CEP83: variants seen among roughly 807,000 people sequenced by gnomAD.
CEP83 encodes the protein centrosomal protein of 83 kDa.
In CEP83, 70 loss-of-function variants were observed where a neutral mutation model predicts 101.9. That is an observed-to-expected ratio of 0.69 (90% CI 0.57 to 0.84). The LOEUF is 0.84. Ranked by LOEUF, CEP83 falls within the 40% of genes least tolerant of loss-of-function variation. The pLI is 0.00. For missense variants in CEP83, 715 were observed against 787.2 expected (o/e 0.91, Z 1.10); for synonymous variants, 264 against 267.9 (o/e 0.99, Z 0.14).
At chr12:94,396,650 T>G (rs1473793954) in intron 6 of CEP83, among the ~76,000 whole-genome samples, 1 of 152,136 alleles carries the variant, frequency 6.6e-6, no homozygotes, top group Non-Finnish European at 1.5e-5. Context: ...ATATTCTTTT[T>G]AGTTTATAAT....
chr12:94,360,365 T>C (rs2060690509), intron 11 of CEP83, among the ~76,000 whole-genome samples: 1 of 152,066 alleles, frequency 6.6e-6, no homozygotes, highest in Non-Finnish European at 1.5e-5. Flanking sequence ...TTATCTTATA[T>C]ATAGAAAAAC....
intron 6 of CEP83, among the ~76,000 whole-genome samples, chr12:94,394,356 T>C (rs1259378244): frequency 6.6e-6 from 1 of 152,022 alleles, no homozygotes; most frequent in Non-Finnish European, 1.5e-5. Flanking sequence ...ATACACCTGA[T>C]AAAAACAAGC....
intron 11 of CEP83, among the ~76,000 whole-genome samples, chr12:94,349,998 G>A (rs927613806): frequency 6.6e-6 from 1 of 152,066 alleles, no homozygotes; most frequent in African/African-American, 2.4e-5. Context: ...AATTAAAGAA[G>A]ATATAAATAA....
chr12:94,306,281 TTATATATAAA>T (rs1336829067), downstream of CEP83: 1 of 152,070 alleles, frequency 6.6e-6, no homozygotes, highest in Non-Finnish European at 1.5e-5. Context: ...CACTGGAGTA[TTATATATAAA>T]TATATATATT....
chr12:94,376,000 A>G lies in CEP83; in HGVS notation c.819T>C (p.Ala273=). 1 of 1,559,950 alleles carries G rather than the reference A, an allele frequency of 6.4e-7. No individual in the cohort carries two copies. Among genetic ancestry groups the G allele is most frequent in the East Asian group, 2.3e-5 (1 of 43,254 alleles). ...VRSLEAEKQS[A]NLRAERLEKE... is the part of the protein sequence containing the mutation. ...TTTCCAAACGTTCTGCCCGTAAATT[A>G]GCTGATTGTTTTTCAGCCTTTCATA... The change falls in exon 8 of 17, where the codon GCT becomes GCC. Residue 273 remains alanine, a synonymous_variant. Transcript: ENST00000397809.
intron 6 of CEP83, among the ~76,000 whole-genome samples, chr12:94,400,471 T>C (rs181655514): frequency 2.1e-4 from 32 of 152,328 alleles, no homozygotes; most frequent in African/African-American, 7.5e-4. Context: ...CAGCTAGTGC[T>C]TTCCCATATG....
At chr12:94,348,663 G>T (rs141033657) in intron 11 of CEP83, among the ~76,000 whole-genome samples, 3 of 151,982 alleles carry the variant, frequency 2.0e-5, no homozygotes, top group Non-Finnish European at 4.4e-5. Context: ...GTCTGCTGCC[G>T]GTCTGATCTA....
At chr12:94,368,586 T>C (rs2061138593) in intron 9 of CEP83, 1 of 159,312 alleles carries the variant, frequency 6.3e-6, no homozygotes, top group Admixed American at 6.4e-5. Context: ...CAGAGTGAAA[T>C]AAATCACAAA....
At chr12:94,354,057 T>C (rs914916814) in intron 11 of CEP83, among the ~76,000 whole-genome samples, 1 of 152,182 alleles carries the variant, frequency 6.6e-6, no homozygotes, top group African/African-American at 2.4e-5. Context: ...AGGATTTCAA[T>C]ACCCCACTCT....
At chr12:94,376,047 C>G (rs752589831) in intron 7 of CEP83, 30 bp from the exon 8 acceptor site, 3 of 1,377,306 alleles carry the variant, frequency 2.2e-6, no homozygotes, top group Middle Eastern at 1.9e-4. Context: ...GTTTAAAATT[C>G]ATCATTTTTC....
chr12:94,399,836 T>A (rs1566092058), intron 6 of CEP83, among the ~76,000 whole-genome samples: 5 of 152,214 alleles, frequency 3.3e-5, no homozygotes. Flanking sequence ...ATAAAGAGTT[T>A]TTTTTAATGT....
chr12:94,315,801 C>T (rs571273880), intron 14 of CEP83, among the ~76,000 whole-genome samples: 70 of 152,088 alleles, frequency 4.6e-4, no homozygotes, highest in Non-Finnish European at 4.9e-4. Flanking sequence ...AAGGAACATC[C>T]TTTATCGAAA....
chr12:94,344,468 T>C (rs1445961142), intron 11 of CEP83, among the ~76,000 whole-genome samples: 3 of 151,892 alleles, frequency 2.0e-5, no homozygotes, highest in Non-Finnish European at 4.4e-5. Context: ...CTCTAAGAAA[T>C]CAACAAAGCA....
At position 94,308,888 on chromosome 12, in the gene CEP83, TAG is replaced by T. The variant is rs764151465; in HGVS notation, c.2029_2030del (p.Leu677ThrfsTer52). The part of the protein sequence containing the change: ...QEEQHQRELS[L>X]LRKRLEELET... Reference sequence around the variant, plus strand: ...CCAGTTCTTCTAGTCTTTTGCGAAGTAGAGAGAGTTCCCTTTGATGTTGTTCC... The same window carrying T: ...CCAGTTCTTCTAGTCTTTTGCGAAGTAGAGAGTTCCCTTTGATGTTGTTCC... On this transcript the variant is annotated frameshift_variant, in exon 17 of 17. Coordinates refer to ENST00000397809, the MANE Select transcript of CEP83 (RefSeq NM_016122.3). LOFTEE classifies it high-confidence loss of function. The T allele has an allele frequency of 3.1e-6, 5 of 1,612,034 alleles. No homozygotes were observed. The highest frequency in any genetic ancestry group is 2.2e-5 in the East Asian group (1 of 44,836).
intron 13 of CEP83, among the ~76,000 whole-genome samples, chr12:94,333,065 A>C (rs893799510): frequency 6.0e-5 from 9 of 150,530 alleles, no homozygotes; most frequent in Non-Finnish European, 8.9e-5. Flanking sequence ...AAAAAAAAAA[A>C]CAAATAAATT....
At chr12:94,314,101 A>G (rs2136306146) in intron 14 of CEP83, among the ~76,000 whole-genome samples, 1 of 152,348 alleles carries the variant, frequency 6.6e-6, no homozygotes. Context: ...GAGTGTATGG[A>G]AAAAAGTAGT....
intron 11 of CEP83, among the ~76,000 whole-genome samples, chr12:94,362,738 C>T (rs1240901280): frequency 6.6e-6 from 1 of 152,226 alleles, no homozygotes; most frequent in Non-Finnish European, 1.5e-5. Context: ...ATCTGCACTC[C>T]TATGTTTACT....
chr12:94,318,791 A>G (rs1472933745), intron 14 of CEP83, among the ~76,000 whole-genome samples: 1 of 152,138 alleles, frequency 6.6e-6, no homozygotes, highest in Admixed American at 6.5e-5. Flanking sequence ...TAGGTTTTTG[A>G]TGTGCTACTG....
chr12:94,363,699 A>G (rs1593431054), intron 11 of CEP83, among the ~76,000 whole-genome samples: 1 of 152,254 alleles, frequency 6.6e-6, no homozygotes, highest in East Asian at 1.9e-4. Flanking sequence ...TTGTAATCTC[A>G]GCACTTTGGG....
Sources: gnomAD v4.1 joint callset for allele counts (sites outside exome capture counted in the v4.1 genomes callset) on GRCh38, gnomAD v4.1.1 for gene constraint, MANE v1.5 for transcripts, NCBI Gene and HGNC (gene_info 2026-07-23, HGNC 2026-07-21) for gene names.